HUNK: variants seen among roughly 807,000 people sequenced by gnomAD.
The protein encoded by HUNK is hormonally up-regulated Neu-associated kinase, also known as hormonally up-regulated neu tumor-associated kinase.
A neutral mutation model predicts 61.0 loss-of-function variants in HUNK; 21 were observed. The observed-to-expected ratio is 0.34, with a 90% CI of 0.24 to 0.50. HUNK has a LOEUF of 0.50. HUNK is among the 20% of genes least tolerant of loss of function. The pLI is 0.98. For synonymous variants in HUNK, 371 were observed against 386.1 expected, an observed-to-expected ratio of 0.96 and a Z score of 0.46; for missense variants, 772 against 945.7, an observed-to-expected ratio of 0.82 and a Z score of 2.41.
intron 2 of HUNK, among the ~76,000 whole-genome samples, chr21:31,937,773 A>G (rs552157278): frequency 3.3e-5 from 5 of 152,370 alleles, no homozygotes; most frequent in Admixed American, 6.5e-5. Context: ...TTGCATTCCT[A>G]AAAATTATAC....
intron 4 of HUNK, among the ~76,000 whole-genome samples, chr21:31,952,573 A>C (rs1272142432): frequency 1.3e-5 from 2 of 149,590 alleles, no homozygotes; most frequent in Non-Finnish European, 3.0e-5. Flanking sequence ...TTGGGATGGC[A>C]GGTGATACCA....
At chr21:31,996,000 C>T (rs773144172) in intron 10 of HUNK, 52 bp downstream of exon 10, 22 of 1,369,206 alleles carry the variant, frequency 1.6e-5, no homozygotes, top group African/African-American at 1.6e-4. Context: ...GCTGTGTGTC[C>T]GCTGTGTAGC....
At chr21:31,877,845 A>C (rs1601354354) in intron 1 of HUNK, among the ~76,000 whole-genome samples, 1 of 152,308 alleles carries the variant, frequency 6.6e-6, no homozygotes, top group East Asian at 1.9e-4. Context: ...TCTCTGGCAC[A>C]TAACAAGTGC....
At chr21:31,902,474 C>T (rs2052475509) in intron 1 of HUNK, among the ~76,000 whole-genome samples, 1 of 152,078 alleles carries the variant, frequency 6.6e-6, no homozygotes, top group South Asian at 2.1e-4. Flanking sequence ...CGTGCCATTG[C>T]ACTCCAGCCT....
intron 6 of HUNK, among the ~76,000 whole-genome samples, chr21:31,970,670 G>A (rs1281773119): frequency 2.6e-5 from 4 of 152,066 alleles, no homozygotes; most frequent in South Asian, 2.1e-4. Context: ...CACTCAATGC[G>A]GCAACTGTTG....
intron 9 of HUNK, 55 bp from the exon 10 acceptor site, chr21:31,995,713 C>T (rs2123258860): frequency 1.4e-6 from 2 of 1,390,484 alleles, no homozygotes; most frequent in Non-Finnish European, 1.0e-6. Flanking sequence ...AAAGAGGAAT[C>T]CCATTGTGTC....
intron 1 of HUNK, among the ~76,000 whole-genome samples, chr21:31,918,291 C>T (rs1042099945): frequency 2.6e-5 from 4 of 152,098 alleles, no homozygotes; most frequent in Admixed American, 6.6e-5. Context: ...TGAGAGGGAG[C>T]TTAATAGGAA....
At position 31,998,912 on chromosome 21, in the gene HUNK, G is replaced by A. The variant is rs56021554; in HGVS notation, c.1873G>A (p.Glu625Lys). 2.0e-4 allele frequency: 328 copies of A among 1,614,166 alleles called. 4 individuals are homozygous for A. The Middle Eastern group carries it at 3.0e-3, about 15-fold the overall frequency. ...LHPTLVSFAH[E>K]DKNSPPKEEG... Reference sequence around the variant, plus strand: ...TCCAACTCTGGTCTCTTTTGCTCACGAAGATAAGAACAGCCCCCCAAAAGA... The same window carrying A: ...TCCAACTCTGGTCTCTTTTGCTCACAAAGATAAGAACAGCCCCCCAAAAGA... The change falls in exon 11 of 11, where the codon GAA (glutamate) becomes AAA (lysine). Residue 625 changes from glutamate to lysine, a missense_variant. Glu to Lys is a moderately conservative substitution (Grantham distance 56). This residue lies in a region of HUNK where 413 missense variants were observed against 444.4 expected (regional missense o/e 0.93). Transcript: ENST00000270112.
chr21:31,920,580 A>T (rs1397941958), intron 1 of HUNK, among the ~76,000 whole-genome samples: 1 of 152,198 alleles, frequency 6.6e-6, no homozygotes, highest in Non-Finnish European at 1.5e-5. Flanking sequence ...AAGAGGATGG[A>T]TATGAAATAT....
chr21:31,922,929 AC>A (rs1479086318), intron 1 of HUNK, among the ~76,000 whole-genome samples: 2 of 152,296 alleles, frequency 1.3e-5, no homozygotes, highest in African/African-American at 4.8e-5. Context: ...TTCATCCTGC[AC>A]CCGGAGGCTC....
intron 4 of HUNK, among the ~76,000 whole-genome samples, chr21:31,949,100 A>G (rs2052830793): frequency 6.6e-6 from 1 of 152,204 alleles, no homozygotes; most frequent in Non-Finnish European, 1.5e-5. Context: ...GCCTAGAGGC[A>G]CACACGAGCC....
At chr21:31,892,168 T>G (rs1419140034) in intron 1 of HUNK, among the ~76,000 whole-genome samples, 1 of 119,590 alleles carries the variant, frequency 8.4e-6, no homozygotes, top group African/African-American at 3.3e-5. Flanking sequence ...AAAAAATATA[T>G]ATATATATAT....
chr21:31,880,501 T>C (rs753852810), intron 1 of HUNK, among the ~76,000 whole-genome samples: 2 of 152,198 alleles, frequency 1.3e-5, no homozygotes, highest in Non-Finnish European at 2.9e-5. Flanking sequence ...TTCTGGCTTA[T>C]GACTGCAGCG....
intron 1 of HUNK, among the ~76,000 whole-genome samples, chr21:31,884,032 T>C (rs2052328633): frequency 6.6e-6 from 1 of 152,202 alleles, no homozygotes; most frequent in Non-Finnish European, 1.5e-5. Flanking sequence ...GGATGGTCTT[T>C]GGAAATCTTT....
chr21:31,980,491 C>A (rs916917047), intron 7 of HUNK, among the ~76,000 whole-genome samples: 24 of 152,026 alleles, frequency 1.6e-4, no homozygotes, highest in Non-Finnish European at 2.8e-4. Context: ...ATTCTCCTGC[C>A]TCAGCCTCCT....
In HUNK at chr21:31,968,712, CCGAGTG is replaced by C. The variant is rs371494260; in HGVS notation, c.1010+328_1010+333del. 6.3e-3 allele frequency among the ~76,000 whole-genome samples: 857 copies of C among 135,840 alleles called. 5 individuals are homozygous for C. Among genetic ancestry groups the C allele is most frequent in the East Asian group, 0.019 (88 of 4,650 alleles). The allele number at this position is 135,840 out of a possible 152,430, so 89.1% of individuals were successfully genotyped here. On this transcript the variant is annotated intron_variant, in intron 6 of 10. Transcript: ENST00000270112. ...AGGGACCTTTGAGACTAGCTGTGGC[CCGAGTG>C]TGTGTGTGTGTGTGTGTGTGTGTGT...
At chr21:31,989,713 C>CAA (rs758563763) in intron 8 of HUNK, among the ~76,000 whole-genome samples, 26,700 of 79,944 alleles carry the variant, frequency 0.33, 4,427 homozygotes, top group Non-Finnish European at 0.42. Flanking sequence ...GACTCGGTCT[C>CAA]AAAAAAAAAA....
chr21:31,874,069 C>A (rs1194717350), intron 1 of HUNK, 134 bp downstream of exon 1: 18 of 651,586 alleles, frequency 2.8e-5, no homozygotes, highest in Admixed American at 4.3e-5. Context: ...CCCGGCTTTC[C>A]TGTTGGGTTA....
chr21:31,990,307 T>C, intron 9 of HUNK, 131 bp downstream of exon 9: 1 of 839,320 alleles, frequency 1.2e-6, no homozygotes, highest in South Asian at 1.6e-5. Context: ...TTGTGGGGGT[T>C]GGCTGGAAGT....
Sources: gnomAD v4.1 joint callset for allele counts (sites outside exome capture counted in the v4.1 genomes callset) on GRCh38, gnomAD v4.1.1 for gene constraint, gnomAD v4.1.1 regional missense constraint, MANE v1.5 for transcripts, NCBI Gene and HGNC (gene_info 2026-07-23, HGNC 2026-07-21) for gene names.